The following HNF4A variants were observed in gnomAD, a reference collection of about 807,000 sequenced individuals.
HNF4A encodes hepatocyte nuclear factor 4 alpha.
HNF4A carries 15 observed loss-of-function variants against 52.4 expected under a neutral mutation model. The observed-to-expected ratio is 0.29, with a 90% CI of 0.19 to 0.44. The LOEUF (loss-of-function observed/expected upper bound fraction) is 0.44, where lower values mean the gene tolerates loss of function less well. Ranked by LOEUF, HNF4A falls within the 20% of genes least tolerant of loss-of-function variation. The probability of loss-of-function intolerance (pLI) is 1.00; values close to 1 mark genes in which losing one functional copy is unlikely to be tolerated. For synonymous variants in HNF4A, 280 were observed against 264.4 expected (o/e 1.06, Z -0.57); for missense variants, 479 against 647.2 (o/e 0.74, Z 2.82).
At chr20:44,415,611 C>T (rs1421182987) in intron 5 of HNF4A, among the ~76,000 whole-genome samples, 3 of 152,298 alleles carry the variant, frequency 2.0e-5, no homozygotes, top group East Asian at 1.9e-4. Flanking sequence ...TTACCCGTTT[C>T]GCACCTTTGC....
chr20:44,407,757 TTGTGTGTGTGTG>T (rs35406830), intron 3 of HNF4A, among the ~76,000 whole-genome samples: 22 of 145,948 alleles, frequency 1.5e-4, no homozygotes, highest in Admixed American at 4.1e-4. Flanking sequence ...AGCAGCCACG[TTGTGTGTGTGTG>T]TGTGTGTGTG....
In HNF4A at chr20:44,362,067, T is replaced by G. The variant is rs142660721; in HGVS notation, c.49+6214T>G. On this transcript the variant is annotated intron_variant, in intron 1 of 9. Coordinates refer to the HNF4A transcript ENST00000316673. ...TTAATTCCATCCTTTACTGAAAGTATCTTGAGACTTGTCTGGTTGTTTCAT... is the reference window on the plus strand; with the variant it reads ...TTAATTCCATCCTTTACTGAAAGTAGCTTGAGACTTGTCTGGTTGTTTCAT... Among the ~76,000 whole-genome samples the G allele has an allele frequency of 1.3e-3, 199 of 152,288 alleles. 1 individual carries two copies. Among genetic ancestry groups the G allele is most frequent in the African/African-American group, 3.9e-3 (161 of 41,550 alleles).
chr20:44,361,116 C>CA (rs1222582417), intron 1 of HNF4A, among the ~76,000 whole-genome samples: 1 of 152,112 alleles, frequency 6.6e-6, no homozygotes, highest in East Asian at 1.9e-4. Flanking sequence ...TCTCCCCTCC[C>CA]ACATCACCTT....
intron 5 of HNF4A, 100 bp downstream of exon 5, chr20:44,414,762 T>C: frequency 8.6e-7 from 1 of 1,168,264 alleles, no homozygotes; most frequent in Non-Finnish European, 1.2e-6. Context: ...GGCTTGATTT[T>C]ATTTTATTTA....
At chr20:44,427,099 T>C (rs1177288120) in intron 8 of HNF4A, among the ~76,000 whole-genome samples, 1 of 152,244 alleles carries the variant, frequency 6.6e-6, no homozygotes, top group African/African-American at 2.4e-5. Flanking sequence ...ATCTCTGTCC[T>C]GTACCCATAA....
intron 1 of HNF4A, among the ~76,000 whole-genome samples, chr20:44,392,653 AT>A (rs2063314936): frequency 6.6e-6 from 1 of 152,204 alleles, no homozygotes; most frequent in Admixed American, 6.5e-5. Context: ...CAACATCTGT[AT>A]ATTTTAAAGG....
intron 1 of HNF4A, among the ~76,000 whole-genome samples, chr20:44,372,296 G>A (rs900013373): frequency 3.3e-5 from 5 of 152,204 alleles, no homozygotes; most frequent in African/African-American, 4.8e-5. Flanking sequence ...AGCAGTGTAC[G>A]TGTGCTTGCT....
intron 1 of HNF4A, among the ~76,000 whole-genome samples, chr20:44,371,766 C>T (rs527712118): frequency 9.2e-5 from 14 of 152,064 alleles, no homozygotes; most frequent in Admixed American, 2.0e-4. Context: ...TGGAGATTGC[C>T]GTGAGCCAAG....
chr20:44,363,029 T>A (rs1030193535), intron 1 of HNF4A, among the ~76,000 whole-genome samples: 2 of 151,012 alleles, frequency 1.3e-5, no homozygotes, highest in Non-Finnish European at 3.0e-5. Flanking sequence ...AATTTTTTTT[T>A]ATTTTTAGTA....
intron 1 of HNF4A, among the ~76,000 whole-genome samples, chr20:44,394,770 G>A (rs2063338200): frequency 6.6e-6 from 1 of 152,242 alleles, no homozygotes; most frequent in African/African-American, 2.4e-5. Flanking sequence ...TAACCCTGGA[G>A]GCCTCCTGCC....
At chr20:44,412,863 C>G (rs1261897450) in intron 3 of HNF4A, among the ~76,000 whole-genome samples, 3 of 152,026 alleles carry the variant, frequency 2.0e-5, no homozygotes, top group African/African-American at 7.3e-5. Context: ...GGTAGGGAAA[C>G]TGAGCCCCAG....
At chr20:44,376,225 A>G (rs1428865980) in intron 1 of HNF4A, among the ~76,000 whole-genome samples, 2 of 152,220 alleles carry the variant, frequency 1.3e-5, no homozygotes, top group Non-Finnish European at 2.9e-5. Flanking sequence ...AGATCATGCC[A>G]CTGCACTCCA....
Position 44,411,639 on chromosome 20 carries a change from A to G in HNF4A, c.386-2055A>G, listed in dbSNP as rs115106241. ...TTGCCTCTGGACTTCTGTTCTATCCACTGACTCCCGGGCTCAAGTGCAAAG... is the reference window on the plus strand; with the variant it reads ...TTGCCTCTGGACTTCTGTTCTATCCGCTGACTCCCGGGCTCAAGTGCAAAG... On this transcript the variant is annotated intron_variant, in intron 3 of 9. Transcript: ENST00000316099. Among the ~76,000 whole-genome samples, 917 of 152,166 alleles carry G rather than the reference A, an allele frequency of 6.0e-3. 11 individuals are homozygous for G. The highest frequency in any genetic ancestry group is 0.021 in the African/African-American group (883 of 41,520).
chr20:44,400,374 G>T (rs867012962), upstream of HNF4A, among the ~76,000 whole-genome samples: 1 of 152,148 alleles, frequency 6.6e-6, no homozygotes, highest in South Asian at 2.1e-4. Flanking sequence ...CGTCTACCAG[G>T]CCCCACTTGG....
chr20:44,402,230 TTATG>T (rs1290966874), intron 1 of HNF4A, among the ~76,000 whole-genome samples: 5 of 152,066 alleles, frequency 3.3e-5, no homozygotes, highest in African/African-American at 9.7e-5. Flanking sequence ...TTGATCTTGC[TTATG>T]TATGTAAGTG....
At chr20:44,425,195 G>C (rs1419316191) in intron 8 of HNF4A, among the ~76,000 whole-genome samples, 1 of 152,208 alleles carries the variant, frequency 6.6e-6, no homozygotes, top group African/African-American at 2.4e-5. Flanking sequence ...TATTGGCCAA[G>C]ATGGTCTCAA....
At chr20:44,364,489 T>C (rs906517682) in intron 1 of HNF4A, among the ~76,000 whole-genome samples, 5 of 151,996 alleles carry the variant, frequency 3.3e-5, no homozygotes, top group African/African-American at 1.2e-4. Context: ...TTTTTTTTTC[T>C]AGATGGAGTC....
At chr20:44,357,693 G>A (rs575780390) in intron 1 of HNF4A, among the ~76,000 whole-genome samples, 3 of 152,138 alleles carry the variant, frequency 2.0e-5, no homozygotes, top group South Asian at 2.1e-4. Context: ...TGCTTCTATC[G>A]ACAGGTAGGT....
chr20:44,394,427 C>T (rs1030678257), intron 1 of HNF4A, among the ~76,000 whole-genome samples: 3 of 152,126 alleles, frequency 2.0e-5, no homozygotes, highest in Admixed American at 6.5e-5. Context: ...AAAAGGGAGT[C>T]GCTGGTTGAA....
Sources: gnomAD v4.1 joint callset for allele counts (sites outside exome capture counted in the v4.1 genomes callset) on GRCh38, gnomAD v4.1.1 for gene constraint, MANE v1.5 for transcripts, NCBI Gene and HGNC (gene_info 2026-07-23, HGNC 2026-07-21) for gene names.